SP140L: variants seen among roughly 807,000 people sequenced by gnomAD.
SP140L encodes SP140 like nuclear body protein, also known as nuclear body protein SP140-like protein.
In SP140L, 64 loss-of-function variants were observed where a neutral mutation model predicts 84.3. The observed-to-expected ratio is 0.76, with a 90% CI of 0.62 to 0.94. SP140L has a LOEUF of 0.94. Among genes scored for constraint, SP140L ranks in the 40% least tolerant of loss-of-function variants. The probability of loss-of-function intolerance (pLI) is 0.00; values close to 1 mark genes in which losing one functional copy is unlikely to be tolerated. For synonymous variants in SP140L, 242 were observed against 236.9 expected (o/e 1.02, Z -0.20); for missense variants, 628 against 692.5 (o/e 0.91, Z 1.05).
intron 12 of SP140L, 46 bp downstream of exon 12, chr2:230,392,275 C>T (rs745813632): frequency 2.1e-5 from 33 of 1,601,774 alleles, no homozygotes; most frequent in Non-Finnish European, 2.7e-5. Flanking sequence ...TCTTCTTGTT[C>T]CCTAATAATG....
intron 8 of SP140L, among the ~76,000 whole-genome samples, chr2:230,384,040 T>G (rs530919325): frequency 5.6e-4 from 85 of 152,268 alleles, no homozygotes; most frequent in African/African-American, 2.0e-3. Flanking sequence ...TATCTGTGTG[T>G]ATGAAGAGAT....
chr2:230,359,219 AT>A, intron 4 of SP140L, 87 bp downstream of exon 4: 1 of 1,206,878 alleles, frequency 8.3e-7, no homozygotes, highest in Non-Finnish European at 1.2e-6. Flanking sequence ...TGTGCGATAC[AT>A]TGTGTTGGGC....
chr2:230,398,793 G>A (rs10188353), intron 14 of SP140L, among the ~76,000 whole-genome samples: 1,759 of 152,334 alleles, frequency 0.012, 32 homozygotes, highest in African/African-American at 0.039. Context: ...TGGGGGCTGC[G>A]CTCAGGAACA....
At chr2:230,359,879 C>T (rs1360753090) in intron 4 of SP140L, among the ~76,000 whole-genome samples, 1 of 140,044 alleles carries the variant, frequency 7.1e-6, no homozygotes, top group South Asian at 2.3e-4. Flanking sequence ...AAACATTAAT[C>T]AAATAATCAC....
At position 230,400,179 on chromosome 2, in the gene SP140L, G is replaced by A. The variant is rs567377530; in HGVS notation, c.1250G>A (p.Cys417Tyr). ...EVCRDGGELF[C>Y]CDTCSRVFHE... ...TGCCGGGACGGAGGGGAGCTGTTCT[G>A]TTGCGACACTTGTTCAAGAGTCTTC... The change falls in exon 15 of 19, where the codon TGT becomes TAT. Residue 417 changes from cysteine to tyrosine, a missense_variant. By Grantham distance (194) the Cys-to-Tyr change is radical. Transcript: ENST00000415673. 5 of 1,614,204 alleles carry A rather than the reference G, an allele frequency of 3.1e-6. No individual in the cohort carries two copies. In the East Asian group the frequency reaches 1.1e-4, roughly 36 times the overall value.
intron 15 of SP140L, 67 bp downstream of exon 15, chr2:230,400,309 C>A: frequency 1.4e-6 from 2 of 1,473,186 alleles, no homozygotes; most frequent in Non-Finnish European, 1.9e-6. Context: ...GCGCACTCTC[C>A]AGCAGAATGT....
At chr2:230,373,897 G>A (rs1374239806) in intron 7 of SP140L, among the ~76,000 whole-genome samples, 1 of 152,154 alleles carries the variant, frequency 6.6e-6, no homozygotes, top group Non-Finnish European at 1.5e-5. Context: ...CATGAGAGGA[G>A]GTCAAAATAT....
chr2:230,380,019 T>C (rs2061356614), intron 7 of SP140L, among the ~76,000 whole-genome samples: 1 of 152,186 alleles, frequency 6.6e-6, no homozygotes, highest in African/African-American at 2.4e-5. Context: ...TATTAGCCCA[T>C]TTTTACACTG....
At chr2:230,389,348 T>A (rs2061709842) in intron 10 of SP140L, among the ~76,000 whole-genome samples, 1 of 152,066 alleles carries the variant, frequency 6.6e-6, no homozygotes, top group Non-Finnish European at 1.5e-5. Flanking sequence ...CCCTGCTAGG[T>A]ACAATTTTCA....
chr2:230,350,996 T>C (rs2060347295), intron 2 of SP140L, among the ~76,000 whole-genome samples: 4 of 152,138 alleles, frequency 2.6e-5, no homozygotes, highest in Admixed American at 2.6e-4. Context: ...GGAGAGAAGG[T>C]TGGATCATTA....
chr2:230,376,163 A>G (rs1235388555), intron 7 of SP140L, among the ~76,000 whole-genome samples: 1 of 152,156 alleles, frequency 6.6e-6, no homozygotes, highest in Non-Finnish European at 1.5e-5. Context: ...TGAAGAGGCT[A>G]TCCTTTCTCC....
intron 5 of SP140L, 58 bp from the exon 6 acceptor site, chr2:230,370,850 G>A: frequency 3.2e-6 from 5 of 1,558,648 alleles, no homozygotes; most frequent in Non-Finnish European, 4.4e-6. Flanking sequence ...TTTTGCCCCG[G>A]GAGCAGAGCG....
chr2:230,390,079 G>A, intron 11 of SP140L, 56 bp downstream of exon 11: 1 of 1,482,696 alleles, frequency 6.7e-7, no homozygotes, highest in Non-Finnish European at 9.3e-7. Context: ...ATCACAAGAA[G>A]TGGTGAAATT....
At chr2:230,387,615 A>T (rs2061638090) in intron 9 of SP140L, among the ~76,000 whole-genome samples, 1 of 152,214 alleles carries the variant, frequency 6.6e-6, no homozygotes, top group African/African-American at 2.4e-5. Flanking sequence ...CCTGACCAGC[A>T]TCCCTAGATG....
chr2:230,362,742 C>T (rs79674186), intron 5 of SP140L, among the ~76,000 whole-genome samples: 1,679 of 152,220 alleles, frequency 0.011, 28 homozygotes, highest in African/African-American at 0.038. Context: ...ACGAAGTTTG[C>T]CTAGGGTCAG....
At chr2:230,379,784 C>T (rs188884409) in intron 7 of SP140L, among the ~76,000 whole-genome samples, 163 of 152,196 alleles carry the variant, frequency 1.1e-3, no homozygotes, top group Admixed American at 3.0e-3. Context: ...ACATTGTCTT[C>T]TGGAATCTAT....
At chr2:230,338,737 G>A (rs2059948641) in intron 2 of SP140L, among the ~76,000 whole-genome samples, 1 of 131,704 alleles carries the variant, frequency 7.6e-6, no homozygotes, top group African/African-American at 3.0e-5. Context: ...GGCTTTTTCT[G>A]CATCTATTGA....
intron 15 of SP140L, chr2:230,400,603 G>A (rs971988106): frequency 1.6e-5 from 8 of 493,530 alleles, no homozygotes; most frequent in Admixed American, 3.3e-5. Context: ...CAGGAAGCAC[G>A]GTCTTAGGCG....
intron 7 of SP140L, among the ~76,000 whole-genome samples, chr2:230,376,848 AG>A (rs2061254998): frequency 6.6e-6 from 1 of 152,176 alleles, no homozygotes. Context: ...TAATCAAAAC[AG>A]TGCTGGCATA....
Sources: gnomAD v4.1 joint callset for allele counts (sites outside exome capture counted in the v4.1 genomes callset) on GRCh38, gnomAD v4.1.1 for gene constraint, MANE v1.5 for transcripts, NCBI Gene and HGNC (gene_info 2026-07-23, HGNC 2026-07-21) for gene names.